Variants in SORCS2 observed in about 807,000 individuals in gnomAD.
SORCS2 encodes sortilin related VPS10 domain containing receptor 2.
Under a neutral mutation model 141.6 loss-of-function variants are expected in SORCS2, and 100 were observed. The ratio of observed to expected loss-of-function variants is 0.71; its 90% CI spans 0.60 to 0.83. The LOEUF is 0.83. SORCS2 is among the 40% of genes least tolerant of loss of function. The pLI, the probability that SORCS2 is intolerant of heterozygous loss-of-function variation, is 0.00. For synonymous variants in SORCS2, 789 were observed against 676.9 expected (o/e 1.17, Z -2.57); for missense variants, 1,646 against 1,560.2 (o/e 1.05, Z -0.93).
At chr4:7,358,547 G>A (rs896831131) in intron 1 of SORCS2, among the ~76,000 whole-genome samples, 1 of 152,216 alleles carries the variant, frequency 6.6e-6, no homozygotes, top group Admixed American at 6.5e-5. Flanking sequence ...CCCAGATGGT[G>A]ACTCACAGTC....
At chr4:7,556,813 A>C (rs1209347116) in intron 3 of SORCS2, among the ~76,000 whole-genome samples, 1 of 135,672 alleles carries the variant, frequency 7.4e-6, no homozygotes, top group Non-Finnish European at 1.6e-5. Flanking sequence ...CCTGCCCATC[A>C]TCCATCCATC....
At chr4:7,471,579 C>A (rs933968460) in intron 2 of SORCS2, among the ~76,000 whole-genome samples, 2 of 152,230 alleles carry the variant, frequency 1.3e-5, no homozygotes, top group Admixed American at 1.3e-4. Flanking sequence ...CCGCCCCTAC[C>A]CCGTTCTCGG....
intron 1 of SORCS2, among the ~76,000 whole-genome samples, chr4:7,356,954 C>A (rs1447966993): frequency 6.6e-6 from 1 of 152,222 alleles, no homozygotes; most frequent in Non-Finnish European, 1.5e-5. Flanking sequence ...TTGGCCAGAC[C>A]TTTTATCTCC....
chr4:7,368,808 G>A (rs1165507076), intron 1 of SORCS2, among the ~76,000 whole-genome samples: 2 of 152,192 alleles, frequency 1.3e-5, no homozygotes, highest in Non-Finnish European at 2.9e-5. Context: ...ATTCCCAGGT[G>A]TCCTGGGAGA....
chr4:7,319,970 G>A (rs1214441196), intron 1 of SORCS2, among the ~76,000 whole-genome samples: 1 of 152,146 alleles, frequency 6.6e-6, no homozygotes, highest in Non-Finnish European at 1.5e-5. Context: ...AGTTGGTGGT[G>A]TGGAGATCCT....
chr4:7,672,777 G>A (rs1021046314), intron 8 of SORCS2, among the ~76,000 whole-genome samples: 2 of 152,132 alleles, frequency 1.3e-5, no homozygotes, highest in African/African-American at 2.4e-5. Context: ...CCAGCTAAAA[G>A]ACTGCATTGC....
At chr4:7,380,956 C>G (rs536751166) in intron 1 of SORCS2, among the ~76,000 whole-genome samples, 84 of 151,926 alleles carry the variant, frequency 5.5e-4, no homozygotes, top group African/African-American at 1.9e-3. Flanking sequence ...GTGGCAGGTG[C>G]CTGTAGTCCC....
At chr4:7,533,963 C>G (rs1467209853) in intron 3 of SORCS2, among the ~76,000 whole-genome samples, 1 of 152,208 alleles carries the variant, frequency 6.6e-6, no homozygotes, top group South Asian at 2.1e-4. Context: ...AGAACTTCCT[C>G]TACAGGCAGC....
chr4:7,589,693 AC>A (rs1716784251), intron 3 of SORCS2, among the ~76,000 whole-genome samples: 1 of 152,128 alleles, frequency 6.6e-6, no homozygotes, highest in Non-Finnish European at 1.5e-5. Flanking sequence ...GAGCCACCGC[AC>A]TTGGCCAGCT....
intron 1 of SORCS2, among the ~76,000 whole-genome samples, chr4:7,240,958 G>A (rs936459158): frequency 6.6e-6 from 1 of 152,184 alleles, no homozygotes; most frequent in East Asian, 1.9e-4. Context: ...TTTTGAGGCA[G>A]AGTCTCATTC....
At chr4:7,455,441 G>T (rs1449267215) in intron 2 of SORCS2, among the ~76,000 whole-genome samples, 1 of 143,706 alleles carries the variant, frequency 7.0e-6, no homozygotes, top group Admixed American at 6.9e-5. Context: ...TGTGTGTTGG[G>T]GTCAGGAGCT....
intron 3 of SORCS2, among the ~76,000 whole-genome samples, chr4:7,547,497 G>T (rs1713350275): frequency 6.6e-6 from 1 of 152,246 alleles, no homozygotes; most frequent in African/African-American, 2.4e-5. Flanking sequence ...GCAGGCCTGT[G>T]CCCGCTGACT....
intron 1 of SORCS2, among the ~76,000 whole-genome samples, chr4:7,269,247 T>G (rs1714950465): frequency 6.6e-6 from 1 of 152,128 alleles, no homozygotes; most frequent in Non-Finnish European, 1.5e-5. Flanking sequence ...GCACTGTCAT[T>G]CTCTGGAACA....
At chr4:7,678,471 A>G (rs1723307363) in intron 9 of SORCS2, among the ~76,000 whole-genome samples, 1 of 145,236 alleles carries the variant, frequency 6.9e-6, no homozygotes, top group African/African-American at 2.6e-5. Flanking sequence ...ATGAACTGGT[A>G]TGTATTTGCT....
rs538624683 is a variant in SORCS2 at position 7,360,742 on chromosome 4, T to G, written c.481-35546T>G. Among the ~76,000 whole-genome samples the G allele has an allele frequency of 4.6e-5, 7 of 151,196 alleles. No individual in the cohort carries two copies. The East Asian group carries it at 1.2e-3, about 25-fold the overall frequency. Reference sequence around the variant, plus strand: ...GGACTATAGGCACACACCACCACACTTGGCTAATTTTTGTATTTTTTTTAT... The same window carrying G: ...GGACTATAGGCACACACCACCACACGTGGCTAATTTTTGTATTTTTTTTAT... On this transcript the variant is annotated intron_variant, in intron 1 of 26. Transcript: ENST00000507866.
intron 4 of SORCS2, among the ~76,000 whole-genome samples, chr4:7,638,749 C>T (rs1375721715): frequency 6.6e-6 from 1 of 152,192 alleles, no homozygotes; most frequent in Non-Finnish European, 1.5e-5. Context: ...GGCTCAGAGG[C>T]TCAAGAGAGG....
chr4:7,575,202 T>C (rs1304876084), intron 3 of SORCS2, among the ~76,000 whole-genome samples: 1 of 152,202 alleles, frequency 6.6e-6, no homozygotes, highest in Non-Finnish European at 1.5e-5. Context: ...TGGCACTCTC[T>C]GGGCTCAGTT....
intron 18 of SORCS2, among the ~76,000 whole-genome samples, chr4:7,721,857 A>C (rs992396624): frequency 6.6e-6 from 1 of 152,196 alleles, no homozygotes; most frequent in Non-Finnish European, 1.5e-5. Flanking sequence ...CCGTACAACT[A>C]CATAGGAGCC....
chr4:7,210,816 G>C (rs1441749049), intron 1 of SORCS2, among the ~76,000 whole-genome samples: 1 of 152,218 alleles, frequency 6.6e-6, no homozygotes, highest in Non-Finnish European at 1.5e-5. Context: ...TCTTATTCCA[G>C]GAAGGAGGCC....
Sources: allele counts gnomAD v4.1 joint callset (sites outside exome capture counted in the v4.1 genomes callset), GRCh38; gene constraint gnomAD v4.1.1; transcripts MANE v1.5; gene names NCBI Gene and HGNC (gene_info 2026-07-23, HGNC 2026-07-21).